Variants in CCSER1 observed in about 807,000 individuals in gnomAD.
The protein encoded by CCSER1 is serine-rich coiled-coil domain-containing protein 1.
CCSER1 carries 41 observed loss-of-function variants against 82.0 expected under a neutral mutation model. That is an observed-to-expected ratio of 0.50 (90% CI 0.39 to 0.65). The LOEUF (loss-of-function observed/expected upper bound fraction) is 0.65, where lower values mean the gene tolerates loss of function less well. Among genes scored for constraint, CCSER1 ranks in the 30% least tolerant of loss-of-function variants. The pLI is 0.00. For synonymous variants in CCSER1, 414 were observed against 383.9 expected (o/e 1.08, Z -0.92); for missense variants, 1,119 against 1,064.2 (o/e 1.05, Z -0.72).
intron 8 of CCSER1, among the ~76,000 whole-genome samples, chr4:90,844,157 T>TAG (rs1762913849): frequency 2.0e-5 from 3 of 150,974 alleles, no homozygotes; most frequent in Non-Finnish European, 4.4e-5. Flanking sequence ...GTTGTGTATA[T>TAG]ATAGATAGAT....
chr4:91,148,345 G>A (rs1024417123), intron 10 of CCSER1, among the ~76,000 whole-genome samples: 5 of 151,810 alleles, frequency 3.3e-5, no homozygotes, highest in Non-Finnish European at 5.9e-5. Flanking sequence ...CAGAGTTTTC[G>A]AAGCTGGAAC....
At chr4:90,474,842 T>C (rs1011706370) in intron 5 of CCSER1, among the ~76,000 whole-genome samples, 1 of 152,176 alleles carries the variant, frequency 6.6e-6, no homozygotes, top group African/African-American at 2.4e-5. Context: ...GTTATTAAAC[T>C]AATAACTTAT....
intron 5 of CCSER1, among the ~76,000 whole-genome samples, chr4:90,565,913 T>G (rs1283594131): frequency 1.3e-5 from 2 of 150,954 alleles, no homozygotes; most frequent in East Asian, 3.9e-4. Flanking sequence ...CAGGGTGGAG[T>G]GCAGAAGCGC....
intron 10 of CCSER1, among the ~76,000 whole-genome samples, chr4:91,379,242 G>A (rs374685422): frequency 0.13 from 19,560 of 151,912 alleles, 1,422 homozygotes; most frequent in Middle Eastern, 0.19. Flanking sequence ...TCAGGCTTTG[G>A]TATCAGGATG....
At chr4:90,890,716 A>C (rs576797509) in intron 8 of CCSER1, among the ~76,000 whole-genome samples, 1 of 151,952 alleles carries the variant, frequency 6.6e-6, no homozygotes, top group Admixed American at 6.6e-5. Context: ...TGACTTCCTC[A>C]CTCTACTGCT....
chr4:91,258,198 A>G (rs1740842226), intron 10 of CCSER1, among the ~76,000 whole-genome samples: 1 of 152,112 alleles, frequency 6.6e-6, no homozygotes, highest in South Asian at 2.1e-4. Context: ...GCTGAGTAGA[A>G]ATGTATTTTT....
intron 10 of CCSER1, among the ~76,000 whole-genome samples, chr4:91,313,407 C>T (rs1745626007): frequency 6.6e-6 from 1 of 151,822 alleles, no homozygotes; most frequent in Admixed American, 6.6e-5. Context: ...TATTTGGCTC[C>T]TGATCCACTA....
chr4:90,164,899 T>C (rs1337470042), intron 1 of CCSER1, among the ~76,000 whole-genome samples: 2 of 152,142 alleles, frequency 1.3e-5, no homozygotes, highest in Admixed American at 6.6e-5. Context: ...ATTGGTGTTC[T>C]GTGGATATGA....
At chr4:91,517,988 A>G (rs1249936639) in intron 10 of CCSER1, among the ~76,000 whole-genome samples, 1 of 152,068 alleles carries the variant, frequency 6.6e-6, no homozygotes, top group East Asian at 1.9e-4. Context: ...ATCAGTAGGT[A>G]GTCTCTTCCT....
intron 10 of CCSER1, among the ~76,000 whole-genome samples, chr4:91,401,979 T>A (rs919166389): frequency 1.2e-4 from 19 of 152,206 alleles, no homozygotes; most frequent in African/African-American, 2.4e-4. Context: ...TTCCACACTG[T>A]CTTCCACAAT....
intron 10 of CCSER1, among the ~76,000 whole-genome samples, chr4:91,349,947 C>G (rs1469950480): frequency 1.3e-5 from 2 of 151,978 alleles, no homozygotes; most frequent in African/African-American, 4.8e-5. Flanking sequence ...ACCTGTGTGT[C>G]TCTCCATTTT....
chr4:90,287,269 T>C (rs1730073569), intron 1 of CCSER1, among the ~76,000 whole-genome samples: 1 of 151,944 alleles, frequency 6.6e-6, no homozygotes. Flanking sequence ...AATTATTATT[T>C]AGAAGTAAAA....
At chr4:91,080,221 C>T (rs1581500459) in intron 9 of CCSER1, among the ~76,000 whole-genome samples, 1 of 152,230 alleles carries the variant, frequency 6.6e-6, no homozygotes, top group Non-Finnish European at 1.5e-5. Flanking sequence ...AACTGTCTCT[C>T]AGACAACAGG....
chr4:90,349,645 C>A (rs1258294599), intron 3 of CCSER1, among the ~76,000 whole-genome samples: 1 of 152,008 alleles, frequency 6.6e-6, no homozygotes, highest in Non-Finnish European at 1.5e-5. Context: ...TCTTTTCATA[C>A]CATTACTCTC....
chr4:91,369,336 A>G (rs778503919), intron 10 of CCSER1, among the ~76,000 whole-genome samples: 2 of 152,224 alleles, frequency 1.3e-5, no homozygotes, highest in Non-Finnish European at 2.9e-5. Context: ...AACACATAAT[A>G]TCAGATAAAT....
chr4:91,516,958 G>A (rs190338827), intron 10 of CCSER1, among the ~76,000 whole-genome samples: 103 of 151,972 alleles, frequency 6.8e-4, no homozygotes, highest in African/African-American at 2.3e-3. Flanking sequence ...TCTTTTTGTG[G>A]CAGTTATAAA....
rs542720004 is a variant in CCSER1 at position 90,228,627 on chromosome 4, CTT to C, written c.-41-79615_-41-79614del. Among the ~76,000 whole-genome samples, 1,190 of 152,318 alleles carry C rather than the reference CTT, an allele frequency of 7.8e-3. 17 individuals carry two copies. The highest frequency in any genetic ancestry group is 0.027 in the African/African-American group (1,137 of 41,570). ...CGGAACAAAGCTGGACGGAGAATGA[CTT>C]TGACGAGCTGAGAGAAGAAGGCTTC... On this transcript the variant is annotated intron_variant, in intron 1 of 10. Transcript: ENST00000509176.
intron 10 of CCSER1, among the ~76,000 whole-genome samples, chr4:91,477,029 C>T (rs1473766864): frequency 6.6e-6 from 1 of 151,422 alleles, no homozygotes; most frequent in Non-Finnish European, 1.5e-5. Context: ...TCAGTAAGAC[C>T]TCAAAAAACA....
chr4:90,557,514 C>G (rs1255693380), intron 5 of CCSER1, among the ~76,000 whole-genome samples: 2 of 152,018 alleles, frequency 1.3e-5, no homozygotes, highest in Non-Finnish European at 2.9e-5. Context: ...CTAGTACTAA[C>G]TAGCAAAAGG....
Sources: allele counts gnomAD v4.1 joint callset (sites outside exome capture counted in the v4.1 genomes callset), GRCh38; gene constraint gnomAD v4.1.1; transcripts MANE v1.5; gene names NCBI Gene and HGNC (gene_info 2026-07-23, HGNC 2026-07-21).